The following TAF4B variants were observed in gnomAD, a reference collection of about 807,000 sequenced individuals.
TAF4B encodes transcription initiation factor TFIID subunit 4B.
In TAF4B, 38 loss-of-function variants were observed where a neutral mutation model predicts 86.4. The observed-to-expected ratio is 0.44, with a 90% confidence interval of 0.34 to 0.58. TAF4B has a LOEUF of 0.58. Ranked by LOEUF, TAF4B falls within the 20% of genes least tolerant of loss-of-function variation. The pLI is 0.02. For missense variants in TAF4B, 988 were observed against 1,027.6 expected, an observed-to-expected ratio of 0.96 and a Z score of 0.53; for synonymous variants, 388 against 391.2, an observed-to-expected ratio of 0.99 and a Z score of 0.10.
intron 10 of TAF4B, among the ~76,000 whole-genome samples, chr18:26,316,015 C>T (rs2056907515): frequency 6.6e-6 from 1 of 152,054 alleles, no homozygotes; most frequent in Non-Finnish European, 1.5e-5. Flanking sequence ...CTAGCCTGGC[C>T]AACATGGTGA....
At position 26,231,344 on chromosome 18, in the gene TAF4B, G is replaced by GTTTTTTTTTT. The variant is rs1260610897; in HGVS notation, c.343+4068_343+4069insTTTTTTTTTT. Among the ~76,000 whole-genome samples the GTTTTTTTTTT allele has an allele frequency of 4.9e-5, 3 of 60,820 alleles. 1 individual carries two copies. The allele number at this position is 60,820 out of a possible 152,430, so 39.9% of individuals were successfully genotyped here. A position where few individuals can be genotyped will look rare whatever the true frequency, so the allele number is the denominator to read the frequency against. ...AGATGTGAGCCACCCAGCTGCTTGGGGTTTTTTTTTTTTTTTTTTTTTTTT... is the reference window on the plus strand; with the variant it reads ...AGATGTGAGCCACCCAGCTGCTTGGGTTTTTTTTTTGTTTTTTTTTTTTTTTTTTTTTTTT... On this transcript the variant is annotated intron_variant, in intron 1 of 14. Transcript: ENST00000269142.
intron 13 of TAF4B, among the ~76,000 whole-genome samples, chr18:26,344,086 T>TAA (rs2144711513): frequency 6.6e-6 from 1 of 152,166 alleles, no homozygotes; most frequent in Non-Finnish European, 1.5e-5. Context: ...ATATAAAGAA[T>TAA]AAAGTTATAA....
intron 9 of TAF4B, among the ~76,000 whole-genome samples, chr18:26,302,846 C>A (rs1297003535): frequency 6.6e-6 from 1 of 151,824 alleles, no homozygotes; most frequent in Non-Finnish European, 1.5e-5. Flanking sequence ...ATATATGGAT[C>A]TTCTCTTTTT....
intron 1 of TAF4B, among the ~76,000 whole-genome samples, chr18:26,228,772 C>T (rs935536991): frequency 6.6e-5 from 10 of 151,828 alleles, no homozygotes; most frequent in Non-Finnish European, 1.5e-4. Context: ...TCCTCCCCAT[C>T]CCTCCCCAAC....
chr18:26,293,133 C>G (rs1293381917), intron 8 of TAF4B, among the ~76,000 whole-genome samples: 2 of 151,980 alleles, frequency 1.3e-5, no homozygotes, highest in Non-Finnish European at 2.9e-5. Context: ...TTAAAAAATA[C>G]CAATATAAGC....
At chr18:26,369,679 T>A (rs1351442356) in intron 14 of TAF4B, among the ~76,000 whole-genome samples, 1 of 152,226 alleles carries the variant, frequency 6.6e-6, no homozygotes, top group Non-Finnish European at 1.5e-5. Context: ...TCTTCTCTTT[T>A]GGCTCCTCTG....
chr18:26,335,657 T>C (rs1396185611), intron 13 of TAF4B, among the ~76,000 whole-genome samples: 1 of 152,178 alleles, frequency 6.6e-6, no homozygotes, highest in Non-Finnish European at 1.5e-5. Context: ...GGAAAATGCC[T>C]CTGGCTTTTA....
intron 7 of TAF4B, among the ~76,000 whole-genome samples, chr18:26,291,902 G>T (rs561814402): frequency 8.8e-4 from 134 of 152,136 alleles, no homozygotes; most frequent in African/African-American, 3.0e-3. Flanking sequence ...TGTTGAAGCT[G>T]GGTAATGGTA....
intron 14 of TAF4B, among the ~76,000 whole-genome samples, chr18:26,386,625 C>G (rs1978383217): frequency 6.6e-6 from 1 of 152,104 alleles, no homozygotes; most frequent in African/African-American, 2.4e-5. Flanking sequence ...TTTAGCTTTG[C>G]CTGTTCTGGG....
At chr18:26,298,215 T>C (rs776482455) in intron 9 of TAF4B, among the ~76,000 whole-genome samples, 13 of 151,690 alleles carry the variant, frequency 8.6e-5, no homozygotes, top group South Asian at 4.2e-4. Flanking sequence ...TTTGTTGTAA[T>C]TAATTAATTA....
intron 3 of TAF4B, among the ~76,000 whole-genome samples, chr18:26,271,372 A>G (rs537698721): frequency 1.3e-5 from 2 of 152,382 alleles, no homozygotes; most frequent in East Asian, 3.9e-4. Flanking sequence ...TTAAATGTGA[A>G]TAAACCTAAA....
intron 1 of TAF4B, among the ~76,000 whole-genome samples, chr18:26,232,341 A>G (rs2055685049): frequency 6.6e-6 from 1 of 152,032 alleles, no homozygotes; most frequent in Non-Finnish European, 1.5e-5. Context: ...TGTCCTCTGG[A>G]GGTGAATTCT....
intron 14 of TAF4B, among the ~76,000 whole-genome samples, chr18:26,369,886 G>A (rs912749221): frequency 5.3e-5 from 8 of 152,242 alleles, no homozygotes; most frequent in African/African-American, 1.9e-4. Context: ...TTAAAAGATG[G>A]GTTCCTGAAT....
intron 1 of TAF4B, among the ~76,000 whole-genome samples, chr18:26,241,857 A>G (rs1598714407): frequency 6.6e-6 from 1 of 152,338 alleles, no homozygotes; most frequent in East Asian, 1.9e-4. Context: ...GTAGTCATTC[A>G]GGAGCAGGTT....
At chr18:26,313,779 C>T (rs1261231515) in intron 9 of TAF4B, among the ~76,000 whole-genome samples, 1 of 152,078 alleles carries the variant, frequency 6.6e-6, no homozygotes, top group Non-Finnish European at 1.5e-5. Flanking sequence ...GATCCTCCCA[C>T]CTCTGCCTCT....
intron 14 of TAF4B, among the ~76,000 whole-genome samples, chr18:26,361,982 A>G (rs1027576118): frequency 6.6e-6 from 1 of 152,116 alleles, no homozygotes; most frequent in Non-Finnish European, 1.5e-5. Context: ...TGGCAAGAGT[A>G]GTTACTTGTA....
chr18:26,239,776 G>T (rs763612231), intron 1 of TAF4B, among the ~76,000 whole-genome samples: 9 of 152,170 alleles, frequency 5.9e-5, no homozygotes, highest in Middle Eastern at 6.3e-3. Context: ...AAGGTGTAAG[G>T]AAGGGATCCA....
intron 13 of TAF4B, among the ~76,000 whole-genome samples, chr18:26,346,765 ATATATATATGTGTGTG>A (rs1356431752): frequency 4.2e-4 from 12 of 28,506 alleles, no homozygotes; most frequent in East Asian, 1.8e-3. Flanking sequence ...GTGTGTATAT[ATATATATATGTGTGTG>A]TATATATATA....
intron 3 of TAF4B, among the ~76,000 whole-genome samples, chr18:26,272,271 G>A (rs966133923): frequency 1.3e-5 from 2 of 152,160 alleles, no homozygotes; most frequent in Non-Finnish European, 2.9e-5. Context: ...TGCAGTTCAC[G>A]AGAAGGTTCA....
Sources: gnomAD v4.1 joint callset for allele counts (sites outside exome capture counted in the v4.1 genomes callset) on GRCh38, gnomAD v4.1.1 for gene constraint, MANE v1.5 for transcripts, NCBI Gene and HGNC (gene_info 2026-07-23, HGNC 2026-07-21) for gene names.